Variants in SAMMSON observed in about 807,000 individuals in gnomAD.
SAMMSON encodes survival associated mitochondrial melanoma specific oncogenic non-coding RNA.
rs545231969 is a variant in SAMMSON, at chr3:70,395,348, T to TTTG, written n.233+37025_233+37026insTGT. Among the ~76,000 whole-genome samples, 96 of 149,846 alleles carry TTTG rather than the reference T, an allele frequency of 6.4e-4. 1 individual carries two copies. The highest frequency in any genetic ancestry group is 2.3e-3 in the African/African-American group (93 of 40,464). On this transcript the variant is annotated intron_variant and non_coding_transcript_variant, in intron 2 of 3. Coordinates refer to the SAMMSON transcript ENST00000641053. ...CTCTCTCTCTTTTTTTTTTTTTTTT[T>TTTG]TGTGTTGTTGTTGTTGCTATTGTGC...
intron 2 of SAMMSON, among the ~76,000 whole-genome samples, chr3:70,395,284 C>T (rs1701082148): frequency 6.6e-6 from 1 of 151,472 alleles, no homozygotes; most frequent in Non-Finnish European, 1.5e-5. Context: ...AATAAGAACC[C>T]ACTCACTGCA....
rs533357663 is a variant in SAMMSON, at chr3:70,139,855, T to C, written n.507+68290T>C. On this transcript the variant is annotated intron_variant and non_coding_transcript_variant, in intron 4 of 9. Coordinates refer to ENST00000642114, the Ensembl canonical transcript of SAMMSON. ...GACTTCTATTTAGATGGCTGACTAA[T>C]CTCCCCATTGTCCTGATGAATAGCA... is the stretch of plus-strand genomic sequence containing the variant. Among the ~76,000 whole-genome samples the C allele has an allele frequency of 4.6e-5, 7 of 152,302 alleles. 1 individual carries two copies. In the South Asian group the frequency reaches 1.5e-3, roughly 32 times the overall value.
At chr3:70,115,286 C>G (rs1317901866) in intron 4 of SAMMSON, among the ~76,000 whole-genome samples, 1 of 151,314 alleles carries the variant, frequency 6.6e-6, no homozygotes, top group Non-Finnish European at 1.5e-5. Context: ...TAGTAATTGG[C>G]TGAGTCAGAA....
At chr3:70,152,061 C>A (rs1289493965) in intron 4 of SAMMSON, among the ~76,000 whole-genome samples, 1 of 151,878 alleles carries the variant, frequency 6.6e-6, no homozygotes, top group Non-Finnish European at 1.5e-5. Flanking sequence ...TTCCATGTTC[C>A]TTGATCCTTT....
At chr3:70,337,362 G>A (rs976702335) in intron 7 of SAMMSON, among the ~76,000 whole-genome samples, 35 of 151,424 alleles carry the variant, frequency 2.3e-4, no homozygotes, top group Non-Finnish European at 1.6e-4. Context: ...TCTAGTCAAA[G>A]CTTCCTGAGA....
At chr3:70,288,209 TC>T (rs1702188799) in intron 6 of SAMMSON, among the ~76,000 whole-genome samples, 2 of 138,448 alleles carry the variant, frequency 1.4e-5, no homozygotes, top group Non-Finnish European at 3.1e-5. Flanking sequence ...GCTATAAATT[TC>T]CCTCTACACA....
In SAMMSON at chr3:70,252,952, C is replaced by A. The variant is rs566542252; in HGVS notation, n.674+3282C>A. 5.9e-5 allele frequency among the ~76,000 whole-genome samples: 9 copies of A among 151,788 alleles called. No individual in the cohort carries two copies. The East Asian group carries it at 1.6e-3, about 26-fold the overall frequency. On this transcript the variant is annotated intron_variant and non_coding_transcript_variant, in intron 6 of 9. Transcript: ENST00000642114. ...AAAATTAGCCGGCTGTGGTGGCAGG[C>A]GCCTGTAATTCCAGCTACTAGGGAG...
intron 9 of SAMMSON, among the ~76,000 whole-genome samples, chr3:70,380,657 A>G (rs1418029829): frequency 6.6e-6 from 1 of 151,882 alleles, no homozygotes; most frequent in Non-Finnish European, 1.5e-5. Context: ...TCGTCATTTA[A>G]CATTAGGTAT....
At chr3:70,391,330 A>G (rs1021739491), downstream of SAMMSON, among the ~76,000 whole-genome samples, 10 of 152,152 alleles carry the variant, frequency 6.6e-5, no homozygotes, top group Non-Finnish European at 1.0e-4. Context: ...ATTTATAATC[A>G]TTTTGATGCA....
At chr3:70,363,362 C>A (rs1335157994) in intron 9 of SAMMSON, among the ~76,000 whole-genome samples, 7 of 151,958 alleles carry the variant, frequency 4.6e-5, no homozygotes, top group Admixed American at 3.9e-4. Flanking sequence ...AAGAGGCATC[C>A]AAATGGAAGA....
chr3:70,087,122 A>T (rs537786528), intron 4 of SAMMSON, among the ~76,000 whole-genome samples: 87 of 152,210 alleles, frequency 5.7e-4, no homozygotes, highest in African/African-American at 2.0e-3. Flanking sequence ...AGGATTCACT[A>T]TATTGAAGTT....
chr3:70,361,319 A>G (rs1702869333), intron 9 of SAMMSON, among the ~76,000 whole-genome samples: 1 of 152,210 alleles, frequency 6.6e-6, no homozygotes, highest in East Asian at 1.9e-4. Flanking sequence ...GAATGCAGTC[A>G]CATCCGACAT....
intron 4 of SAMMSON, among the ~76,000 whole-genome samples, chr3:70,196,384 C>T (rs1701180576): frequency 6.6e-6 from 1 of 152,054 alleles, no homozygotes; most frequent in Non-Finnish European, 1.5e-5. Context: ...ATTCCCTTTC[C>T]TACCTAAACT....
intron 7 of SAMMSON, among the ~76,000 whole-genome samples, chr3:70,330,501 G>C (rs1045616819): frequency 6.6e-6 from 1 of 151,916 alleles, no homozygotes; most frequent in Admixed American, 6.6e-5. Context: ...TTATAGGTAA[G>C]AGACATTACC....
At chr3:70,388,913 T>C (rs1180512104) in intron 9 of SAMMSON, among the ~76,000 whole-genome samples, 1 of 151,744 alleles carries the variant, frequency 6.6e-6, no homozygotes, top group Non-Finnish European at 1.5e-5. Context: ...TAGTGGGAGG[T>C]GTTTGGATCA....
intron 4 of SAMMSON, among the ~76,000 whole-genome samples, chr3:70,187,678 C>T (rs1445336679): frequency 1.3e-5 from 2 of 151,634 alleles, no homozygotes; most frequent in Admixed American, 6.6e-5. Context: ...CCTCGTGATC[C>T]GCCCGTCTCG....
intron 7 of SAMMSON, among the ~76,000 whole-genome samples, chr3:70,322,954 G>T (rs1352221342): frequency 2.0e-5 from 3 of 152,090 alleles, no homozygotes; most frequent in African/African-American, 7.2e-5. Flanking sequence ...GGAAAAATGA[G>T]ATTTCTGGAG....
intron 4 of SAMMSON, among the ~76,000 whole-genome samples, chr3:70,111,248 A>T (rs1026223753): frequency 3.3e-5 from 5 of 152,220 alleles, no homozygotes; most frequent in Non-Finnish European, 7.3e-5. Flanking sequence ...GATAGACTAG[A>T]TAAGAAAGAA....
At chr3:70,212,818 C>T (rs570835673) in intron 4 of SAMMSON, among the ~76,000 whole-genome samples, 2 of 152,040 alleles carry the variant, frequency 1.3e-5, no homozygotes, top group East Asian at 3.9e-4. Context: ...GACAGGGTCT[C>T]ACTCTGTCAC....
Sources: allele counts gnomAD v4.1 joint callset (sites outside exome capture counted in the v4.1 genomes callset), GRCh38; gene constraint gnomAD v4.1.1; transcripts MANE v1.5; gene names NCBI Gene and HGNC (gene_info 2026-07-23, HGNC 2026-07-21).